Variants in NEK11 observed in about 807,000 individuals in gnomAD.
NEK11 encodes the protein serine/threonine-protein kinase Nek11.
NEK11 carries 72 observed loss-of-function variants against 80.7 expected under a neutral mutation model. The ratio of observed to expected loss-of-function variants is 0.89; its 90% CI spans 0.74 to 1.08. The LOEUF is 1.08. NEK11 is among the 50% of genes least tolerant of loss of function. NEK11 has a pLI of 0.00. For missense variants in NEK11, 764 were observed against 763.6 expected, an observed-to-expected ratio of 1.00 and a Z score of -0.01; for synonymous variants, 251 against 260.7, an observed-to-expected ratio of 0.96 and a Z score of 0.36.
At chr3:131,100,962 C>A (rs1172959211) in intron 4 of NEK11, among the ~76,000 whole-genome samples, 1 of 152,008 alleles carries the variant, frequency 6.6e-6, no homozygotes, top group Non-Finnish European at 1.5e-5. Context: ...CTGATTCAGT[C>A]TTGGGAGATT....
intron 14 of NEK11, among the ~76,000 whole-genome samples, chr3:131,193,937 T>G (rs1366858445): frequency 2.6e-5 from 4 of 152,204 alleles, no homozygotes; most frequent in African/African-American, 9.6e-5. Context: ...GATAAATAAT[T>G]TTGTGTTACT....
intron 5 of NEK11, among the ~76,000 whole-genome samples, chr3:131,117,995 A>T (rs1021292330): frequency 5.9e-5 from 9 of 152,166 alleles, no homozygotes; most frequent in African/African-American, 1.9e-4. Flanking sequence ...CCCTGACCAG[A>T]ACTTCCAACA....
At chr3:131,105,110 G>C (rs2149305274) in intron 4 of NEK11, among the ~76,000 whole-genome samples, 1 of 152,294 alleles carries the variant, frequency 6.6e-6, no homozygotes, top group African/African-American at 2.4e-5. Context: ...TGCACTAACT[G>C]CTTCTAGTCA....
intron 14 of NEK11, chr3:131,174,853 C>T (rs2092917365): frequency 6.4e-7 from 1 of 1,572,796 alleles, no homozygotes; most frequent in Admixed American, 1.9e-5. Flanking sequence ...AGGAGCATGA[C>T]TCCCTACCCC....
intron 3 of NEK11, among the ~76,000 whole-genome samples, chr3:131,063,777 T>C (rs902604112): frequency 2.6e-5 from 4 of 152,124 alleles, no homozygotes; most frequent in African/African-American, 4.8e-5. Flanking sequence ...GCCAGGAAAT[T>C]TACTACAAGT....
chr3:131,126,669 A>G (rs2083392495), intron 5 of NEK11, among the ~76,000 whole-genome samples: 2 of 152,068 alleles, frequency 1.3e-5, no homozygotes, highest in African/African-American at 4.8e-5. Flanking sequence ...TGTTATGTCT[A>G]CTTGTGGATT....
At chr3:131,158,732 G>C (rs1174550590) in intron 10 of NEK11, among the ~76,000 whole-genome samples, 1 of 152,162 alleles carries the variant, frequency 6.6e-6, no homozygotes, top group African/African-American at 2.4e-5. Flanking sequence ...CAGGGAGACA[G>C]GCACCCTGAC....
At chr3:131,328,041 T>TG (rs1352619661) in intron 17 of NEK11, among the ~76,000 whole-genome samples, 1 of 152,076 alleles carries the variant, frequency 6.6e-6, no homozygotes, top group African/African-American at 2.4e-5. Context: ...TCTAGTGATT[T>TG]GGGGGGCCAG....
intron 3 of NEK11, among the ~76,000 whole-genome samples, chr3:131,038,726 G>A (rs1171803113): frequency 2.0e-5 from 3 of 152,150 alleles, no homozygotes; most frequent in East Asian, 1.9e-4. Context: ...CAAAAGTGAT[G>A]TATTTAAAAT....
At chr3:131,030,422 G>C (rs2064654498) in intron 3 of NEK11, among the ~76,000 whole-genome samples, 1 of 152,202 alleles carries the variant, frequency 6.6e-6, no homozygotes, top group African/African-American at 2.4e-5. Context: ...GTGAAAATAA[G>C]ATGTTTGGGC....
chr3:131,293,468 A>G (rs562798902), intron 17 of NEK11, among the ~76,000 whole-genome samples: 2 of 151,970 alleles, frequency 1.3e-5, no homozygotes, highest in Admixed American at 1.3e-4. Context: ...AATTCTTTTT[A>G]TATATTGTTG....
chr3:131,163,326 T>C (rs540838968), intron 11 of NEK11, among the ~76,000 whole-genome samples: 27 of 152,266 alleles, frequency 1.8e-4, no homozygotes, highest in Non-Finnish European at 3.8e-4. Context: ...AGCCGAGATA[T>C]GGACTCAACC....
chr3:131,086,424 A>G (rs1289094630), intron 4 of NEK11, among the ~76,000 whole-genome samples: 7 of 152,102 alleles, frequency 4.6e-5, no homozygotes, highest in African/African-American at 1.2e-4. Context: ...TCCTCCATCC[A>G]TGTATTTTTT....
chr3:131,113,074 G>C (rs972196711), intron 5 of NEK11, among the ~76,000 whole-genome samples: 2 of 152,148 alleles, frequency 1.3e-5, no homozygotes, highest in African/African-American at 4.8e-5. Flanking sequence ...AGCTGGCAGA[G>C]GTGGGTAGAA....
intron 7 of NEK11, among the ~76,000 whole-genome samples, chr3:131,149,735 A>T (rs897973013): frequency 7.9e-5 from 12 of 151,890 alleles, no homozygotes; most frequent in African/African-American, 2.9e-4. Context: ...TCTATTTGTT[A>T]TCGTTAATCT....
intron 14 of NEK11, among the ~76,000 whole-genome samples, chr3:131,220,332 T>C (rs999081062): frequency 2.6e-5 from 4 of 151,344 alleles, no homozygotes; most frequent in Non-Finnish European, 5.9e-5. Context: ...GAGAAAATAA[T>C]ATTTTTATTT....
intron 14 of NEK11, among the ~76,000 whole-genome samples, chr3:131,215,192 A>C (rs536055175): frequency 6.8e-6 from 1 of 147,328 alleles, no homozygotes; most frequent in South Asian, 2.2e-4. Context: ...CAAACACCGC[A>C]TGTTCTCACT....
chr3:131,261,547 G>C (rs924677923), intron 16 of NEK11, among the ~76,000 whole-genome samples: 1 of 152,094 alleles, frequency 6.6e-6, no homozygotes, highest in Non-Finnish European at 1.5e-5. Context: ...TTGAGGGAAG[G>C]CCTTCAGTCT....
chr3:131,260,912 T>C (rs1312528824), intron 16 of NEK11, among the ~76,000 whole-genome samples: 2 of 152,174 alleles, frequency 1.3e-5, no homozygotes, highest in Non-Finnish European at 2.9e-5. Context: ...GGTGCTTAAG[T>C]GAGATCTTGT....
Sources: gnomAD v4.1 joint callset for allele counts (sites outside exome capture counted in the v4.1 genomes callset) on GRCh38, gnomAD v4.1.1 for gene constraint, MANE v1.5 for transcripts, NCBI Gene and HGNC (gene_info 2026-07-23, HGNC 2026-07-21) for gene names.